Variants in KHDRBS3 observed in about 807,000 individuals in gnomAD.
KHDRBS3 encodes the protein KH domain-containing, RNA-binding, signal transduction-associated protein 3.
Under a neutral mutation model 45.6 loss-of-function variants are expected in KHDRBS3, and 23 were observed. That is an observed-to-expected ratio of 0.50 (90% confidence interval 0.36 to 0.72). KHDRBS3 has a LOEUF of 0.72. Ranked by LOEUF, KHDRBS3 falls within the 30% of genes least tolerant of loss-of-function variation. The probability of loss-of-function intolerance (pLI) is 0.00; values close to 1 mark genes in which losing one functional copy is unlikely to be tolerated. For synonymous variants in KHDRBS3, 162 were observed against 156.5 expected (o/e 1.04, Z -0.26); for missense variants, 352 against 424.8 (o/e 0.83, Z 1.51).
chr8:135,590,124 G>A (rs910404651), intron 6 of KHDRBS3, among the ~76,000 whole-genome samples: 1 of 152,122 alleles, frequency 6.6e-6, no homozygotes. Context: ...GCCCACTACC[G>A]CCTAGGCTAT....
intron 7 of KHDRBS3, among the ~76,000 whole-genome samples, chr8:135,631,724 G>A (rs1457852208): frequency 1.3e-5 from 2 of 152,192 alleles, no homozygotes; most frequent in Non-Finnish European, 2.9e-5. Flanking sequence ...GAGGTAACCA[G>A]ATAGGTTTTC....
At chr8:135,508,990 G>C (rs1270386017) in intron 1 of KHDRBS3, among the ~76,000 whole-genome samples, 2 of 152,166 alleles carry the variant, frequency 1.3e-5, no homozygotes, top group African/African-American at 4.8e-5. Context: ...AAACTCACCA[G>C]TATTCACCAT....
chr8:135,568,115 C>T (rs762173448), intron 5 of KHDRBS3, among the ~76,000 whole-genome samples: 15 of 152,122 alleles, frequency 9.9e-5, no homozygotes, highest in Non-Finnish European at 1.9e-4. Flanking sequence ...AGCTGCTTCC[C>T]GTCTTCCGCT....
intron 6 of KHDRBS3, among the ~76,000 whole-genome samples, chr8:135,583,952 A>T (rs574330116): frequency 6.6e-6 from 1 of 152,334 alleles, no homozygotes; most frequent in African/African-American, 2.4e-5. Context: ...TTATTTTTGT[A>T]AATGATAGGA....
At chr8:135,530,999 T>C (rs1158424290) in intron 2 of KHDRBS3, among the ~76,000 whole-genome samples, 1 of 152,204 alleles carries the variant, frequency 6.6e-6, no homozygotes, top group Non-Finnish European at 1.5e-5. Flanking sequence ...GTAGCCTGAC[T>C]TTTGTAGTCT....
At chr8:135,526,730 A>G (rs1018485267) in intron 2 of KHDRBS3, among the ~76,000 whole-genome samples, 4 of 152,130 alleles carry the variant, frequency 2.6e-5, no homozygotes, top group African/African-American at 7.2e-5. Flanking sequence ...TTAATTGAAT[A>G]ATTTCTCTTC....
intron 1 of KHDRBS3, among the ~76,000 whole-genome samples, chr8:135,516,329 T>C (rs1291031695): frequency 2.0e-5 from 3 of 152,182 alleles, no homozygotes; most frequent in African/African-American, 4.8e-5. Context: ...CTGCACACTT[T>C]TATACATCTG....
intron 2 of KHDRBS3, among the ~76,000 whole-genome samples, chr8:135,525,999 T>C (rs1043857886): frequency 6.6e-6 from 1 of 152,182 alleles, no homozygotes; most frequent in Non-Finnish European, 1.5e-5. Flanking sequence ...ATCTTTTCTA[T>C]GTTTAGAAAT....
At chr8:135,558,089 A>C (rs1033741782) in intron 5 of KHDRBS3, among the ~76,000 whole-genome samples, 3 of 152,182 alleles carry the variant, frequency 2.0e-5, no homozygotes, top group Non-Finnish European at 4.4e-5. Context: ...CCATTGAGTA[A>C]ACCATCAGGC....
rs369861436 is a variant in KHDRBS3 at position 135,548,774 on chromosome 8, T to C, written c.345T>C (p.Ser115=). 136 of 1,552,528 alleles carry C rather than the reference T, an allele frequency of 8.8e-5. No homozygotes were observed. The highest frequency in any genetic ancestry group is 1.2e-4 in the Non-Finnish European group (135 of 1,150,512). ...DKAKEEELRK[S]GEAKYFHLND... ...TCCAGGAAGAAGAGTTGAGGAAAAG[T>C]GGAGAAGCGAAGTACTTCCATCTCA... The change falls in exon 4 of 9, where the codon AGT becomes AGC. Residue 115 remains serine (S), a synonymous_variant. Coordinates refer to ENST00000355849, the MANE Select transcript of KHDRBS3 (RefSeq NM_006558.3).
chr8:135,471,010 C>T (rs547018228), intron 1 of KHDRBS3, among the ~76,000 whole-genome samples: 2 of 152,196 alleles, frequency 1.3e-5, no homozygotes, highest in African/African-American at 4.8e-5. Flanking sequence ...TCTGGTGTAT[C>T]TGTAAGTACT....
At chr8:135,515,781 A>T (rs1824563700) in intron 1 of KHDRBS3, among the ~76,000 whole-genome samples, 1 of 152,208 alleles carries the variant, frequency 6.6e-6, no homozygotes, top group Non-Finnish European at 1.5e-5. Context: ...ATGCCATTTT[A>T]GATGGGTAAA....
At chr8:135,524,617 G>A (rs1379801347) in intron 2 of KHDRBS3, among the ~76,000 whole-genome samples, 8 of 150,470 alleles carry the variant, frequency 5.3e-5, no homozygotes, top group Non-Finnish European at 8.9e-5. Flanking sequence ...TTTTCTGATC[G>A]TTTCTCCTCT....
chr8:135,548,436 G>A (rs956187385), intron 3 of KHDRBS3, among the ~76,000 whole-genome samples: 9 of 152,158 alleles, frequency 5.9e-5, no homozygotes, highest in African/African-American at 2.2e-4. Flanking sequence ...GCGGAGGGTT[G>A]AGCAAAGGAG....
At chr8:135,465,169 G>C (rs1821633972) in intron 1 of KHDRBS3, among the ~76,000 whole-genome samples, 1 of 152,172 alleles carries the variant, frequency 6.6e-6, no homozygotes, top group South Asian at 2.1e-4. Flanking sequence ...TGTGATTACA[G>C]GTGACAGCTT....
intron 1 of KHDRBS3, among the ~76,000 whole-genome samples, chr8:135,470,454 C>T (rs1586560828): frequency 1.3e-5 from 2 of 152,000 alleles, no homozygotes; most frequent in Middle Eastern, 3.2e-3. Flanking sequence ...CTGTGTTACA[C>T]GGTTTCTAAT....
At chr8:135,599,934 C>A (rs1476925545) in intron 6 of KHDRBS3, among the ~76,000 whole-genome samples, 5 of 151,566 alleles carry the variant, frequency 3.3e-5, no homozygotes, top group African/African-American at 1.2e-4. Flanking sequence ...ACCTCCCTCA[C>A]AGCACCAGGC....
At chr8:135,634,284 T>C (rs1830721684) in intron 7 of KHDRBS3, among the ~76,000 whole-genome samples, 1 of 152,232 alleles carries the variant, frequency 6.6e-6, no homozygotes, top group Non-Finnish European at 1.5e-5. Flanking sequence ...TTCCCTCCCC[T>C]GTCAGCACTG....
chr8:135,616,293 A>G (rs1291995955), intron 7 of KHDRBS3, among the ~76,000 whole-genome samples: 1 of 152,212 alleles, frequency 6.6e-6, no homozygotes, highest in East Asian at 1.9e-4. Flanking sequence ...TCAAGCTTAC[A>G]TTCTTTTGCC....
Sources: gnomAD v4.1 joint callset for allele counts (sites outside exome capture counted in the v4.1 genomes callset) on GRCh38, gnomAD v4.1.1 for gene constraint, MANE v1.5 for transcripts, NCBI Gene and HGNC (gene_info 2026-07-23, HGNC 2026-07-21) for gene names.